Variants in PRH1 observed in about 807,000 individuals in gnomAD.
PRH1 encodes the protein salivary acidic proline-rich phosphoprotein 1/2.
A neutral mutation model predicts 7.9 loss-of-function variants in PRH1; 7 were observed. The ratio of observed to expected loss-of-function variants is 0.89; its 90% CI spans 0.50 to 1.67. PRH1 has a LOEUF of 1.67. PRH1 is among the 40% of genes most tolerant of loss of function. The pLI is 0.00. For missense variants in PRH1, 109 were observed against 223.6 expected, an observed-to-expected ratio of 0.49 and a Z score of 3.27; for synonymous variants, 45 against 80.8, an observed-to-expected ratio of 0.56 and a Z score of 2.38.
chr12:11,043,927 C>A (rs551220682), intron 1 of PRH1, among the ~76,000 whole-genome samples: 2 of 152,170 alleles, frequency 1.3e-5, no homozygotes, highest in South Asian at 4.2e-4. Context: ...TCTTCACAGA[C>A]ATAGAGAAAA....
intron 1 of PRH1, among the ~76,000 whole-genome samples, chr12:11,106,538 G>A (rs916723427): frequency 9.9e-5 from 15 of 151,784 alleles, no homozygotes; most frequent in African/African-American, 3.6e-4. Flanking sequence ...TGTAACTATT[G>A]TGGGCTACTT....
At chr12:10,893,236 A>G (rs1300098922) in intron 2 of PRH1, among the ~76,000 whole-genome samples, 1 of 152,076 alleles carries the variant, frequency 6.6e-6, no homozygotes. Context: ...TGTCAGTTCA[A>G]TTTGAATTTC....
At position 10,939,877 on chromosome 12, in the gene PRH1, G is replaced by A. The variant is rs936220443; in HGVS notation, c.-59+33778C>T. On this transcript the variant is annotated intron_variant, in intron 2 of 3. Transcript: ENST00000539853. ...CACCATAAAAAAATATTTGTTACCT[G>A]TTATCTGTTATATTTATTATCATTT... 2.0e-5 allele frequency among the ~76,000 whole-genome samples: 3 copies of A among 151,968 alleles called. No homozygotes were observed. In the East Asian group the frequency reaches 5.8e-4, roughly 29 times the overall value.
chr12:11,013,101 A>G (rs1941140037), intron 1 of PRH1, among the ~76,000 whole-genome samples: 1 of 152,116 alleles, frequency 6.6e-6, no homozygotes, highest in Non-Finnish European at 1.5e-5. Context: ...AAAGTGAAAA[A>G]CCAGTCCTAA....
chr12:11,097,482 A>C (rs1477958267), intron 1 of PRH1, among the ~76,000 whole-genome samples: 1 of 114,536 alleles, frequency 8.7e-6, no homozygotes, highest in Non-Finnish European at 2.1e-5. Flanking sequence ...ACGAAAATTA[A>C]ATTGTTTCTA....
chr12:11,039,558 T>C (rs1184922406), intron 1 of PRH1, among the ~76,000 whole-genome samples: 1 of 152,270 alleles, frequency 6.6e-6, no homozygotes, highest in Non-Finnish European at 1.5e-5. Flanking sequence ...TAATTTGTGT[T>C]CAGCAATTTA....
chr12:10,947,910 A>G (rs1376307550), intron 2 of PRH1, among the ~76,000 whole-genome samples: 1 of 152,150 alleles, frequency 6.6e-6, no homozygotes, highest in African/African-American at 2.4e-5. Flanking sequence ...TGGATATGAA[A>G]TTCTTGGCTG....
At chr12:11,110,719 T>A (rs2597947) in intron 1 of PRH1, among the ~76,000 whole-genome samples, 1 of 151,922 alleles carries the variant, frequency 6.6e-6, no homozygotes, top group Non-Finnish European at 1.5e-5. Context: ...GTAAAGACCA[T>A]TGGCACTATG....
intron 1 of PRH1, among the ~76,000 whole-genome samples, chr12:11,124,484 T>G (rs1286068963): frequency 6.6e-6 from 1 of 152,284 alleles, no homozygotes; most frequent in African/African-American, 2.4e-5. Context: ...TTTATAGTGT[T>G]CCTTGGATTA....
At chr12:11,041,539 TCAA>T in intron 1 of PRH1, among the ~76,000 whole-genome samples, 1 of 152,160 alleles carries the variant, frequency 6.6e-6, no homozygotes, top group Non-Finnish European at 1.5e-5. Flanking sequence ...GATGGAGACT[TCAA>T]CATTCCACTT....
At chr12:11,132,967 T>A (rs1946409762) in intron 1 of PRH1, 1 of 252,022 alleles carries the variant, frequency 4.0e-6, no homozygotes, top group Admixed American at 5.0e-5. Context: ...TAATTATAAA[T>A]AGATATAAAT....
At chr12:10,944,799 T>C (rs982775949) in intron 2 of PRH1, among the ~76,000 whole-genome samples, 2 of 152,228 alleles carry the variant, frequency 1.3e-5, no homozygotes, top group Admixed American at 1.3e-4. Context: ...AAGCCTTTTC[T>C]GCATTTATTG....
chr12:10,908,903 C>T (rs749272501), intron 2 of PRH1: 2 of 1,612,916 alleles, frequency 1.2e-6, no homozygotes, highest in Non-Finnish European at 8.5e-7. Flanking sequence ...CTAGCAGTAT[C>T]ATCAGAATCA....
At chr12:11,166,039 T>TA (rs1200306259) in intron 1 of PRH1, 1 of 152,226 alleles carries the variant, frequency 6.6e-6, no homozygotes, top group East Asian at 1.9e-4. Flanking sequence ...TTAATGCTCC[T>TA]ACCACTCCCA....
intron 1 of PRH1, among the ~76,000 whole-genome samples, chr12:10,979,017 A>G (rs187698850): frequency 6.6e-6 from 1 of 152,328 alleles, no homozygotes; most frequent in Admixed American, 6.5e-5. Flanking sequence ...AGCAAGTACC[A>G]CATGTTCTCA....
chr12:11,099,329 T>A (rs1945161685), intron 1 of PRH1, among the ~76,000 whole-genome samples: 1 of 152,088 alleles, frequency 6.6e-6, no homozygotes, highest in Non-Finnish European at 1.5e-5. Flanking sequence ...TGAAGTCAGA[T>A]TGCCCCCACC....
At position 10,881,044 on chromosome 12, in the gene PRH1, T is replaced by C; in HGVS notation, c.*31A>G. ...CACGGCATTTGAAACACTGTTATCT[T>C]CTTATTCACTTCCTGAAAAAGACAA... On this transcript the variant is annotated 3_prime_UTR_variant, in exon 4 of 4. Transcript: ENST00000543626. 1 of 195,054 alleles carries C rather than the reference T, an allele frequency of 5.1e-6. No homozygotes were observed. Among genetic ancestry groups the C allele is most frequent in the East Asian group, 1.4e-4 (1 of 7,274 alleles). 12.1% of individuals were successfully genotyped at this position (195,054 alleles called of 1,614,324 possible). A position where few individuals can be genotyped will look rare whatever the true frequency, so the allele number is the denominator to read the frequency against.
chr12:11,151,585 C>T (rs931352719), intron 1 of PRH1, among the ~76,000 whole-genome samples: 8 of 152,272 alleles, frequency 5.3e-5, no homozygotes, highest in South Asian at 2.1e-4. Context: ...TTGCCTAACT[C>T]ATCCTTTACT....
chr12:10,888,932 T>G (rs1448432095), upstream of PRH1, among the ~76,000 whole-genome samples: 1 of 152,232 alleles, frequency 6.6e-6, no homozygotes, highest in Non-Finnish European at 1.5e-5. Context: ...TAAATCCATG[T>G]GTCAAGGCTG....
Sources: gnomAD v4.1 joint callset for allele counts (sites outside exome capture counted in the v4.1 genomes callset) on GRCh38, gnomAD v4.1.1 for gene constraint, MANE v1.5 for transcripts, NCBI Gene and HGNC (gene_info 2026-07-23, HGNC 2026-07-21) for gene names.